The following NT5M variants were observed in gnomAD, a reference collection of about 807,000 sequenced individuals.
NT5M encodes the protein 5',3'-nucleotidase, mitochondrial, also known as 5'(3')-deoxyribonucleotidase, mitochondrial.
NT5M carries 22 observed loss-of-function variants against 22.2 expected under a neutral mutation model. The observed-to-expected ratio is 0.99, with a 90% CI of 0.71 to 1.41. The LOEUF (loss-of-function observed/expected upper bound fraction) is 1.41. Among genes scored for constraint, NT5M ranks in the 40% most tolerant of loss-of-function variants. The pLI is 0.00. For synonymous variants in NT5M, 167 were observed against 133.0 expected, an observed-to-expected ratio of 1.26 and a Z score of -1.76; for missense variants, 322 against 314.8, an observed-to-expected ratio of 1.02 and a Z score of -0.17.
At chr17:17,329,468 C>T (rs2049332037) in intron 3 of NT5M, among the ~76,000 whole-genome samples, 1 of 152,260 alleles carries the variant, frequency 6.6e-6, no homozygotes, top group East Asian at 1.9e-4. Flanking sequence ...ACCTTTTCAC[C>T]CCCTAGAGAG....
In NT5M at chr17:17,326,314, G is replaced by A. The variant is rs113256426; in HGVS notation, c.429+3069G>A. 9.5e-3 allele frequency among the ~76,000 whole-genome samples: 1,444 copies of A among 152,288 alleles called. 31 individuals carry two copies. The highest frequency in any genetic ancestry group is 0.033 in the African/African-American group (1,363 of 41,556). ...TTGGCCAGCCAGTGAGGCCTGCTCC[G>A]GGTCTGCCTGTCAAGAGCCTGTGCC... On this transcript the variant is annotated intron_variant, in intron 3 of 4. Transcript: ENST00000389022.
At chr17:17,342,949 G>T (rs527946756) in intron 3 of NT5M, among the ~76,000 whole-genome samples, 1 of 152,200 alleles carries the variant, frequency 6.6e-6, no homozygotes, top group Non-Finnish European at 1.5e-5. Flanking sequence ...CACAAGTCAG[G>T]AAAGTTTGGC....
intron 3 of NT5M, among the ~76,000 whole-genome samples, chr17:17,342,439 A>G (rs2049664384): frequency 2.0e-5 from 3 of 152,204 alleles, no homozygotes; most frequent in Admixed American, 2.0e-4. Flanking sequence ...AAACACGGAA[A>G]CTGGGTGTGT....
intron 2 of NT5M, among the ~76,000 whole-genome samples, chr17:17,315,940 A>G (rs1179654928): frequency 6.7e-6 from 1 of 149,322 alleles, no homozygotes; most frequent in African/African-American, 2.5e-5. Context: ...ATTTTTTAGT[A>G]GAGATGGCGT....
At chr17:17,340,813 C>T (rs753303532) in intron 3 of NT5M, among the ~76,000 whole-genome samples, 3 of 152,080 alleles carry the variant, frequency 2.0e-5, no homozygotes, top group African/African-American at 4.8e-5. Context: ...TGTGAGCCAC[C>T]GCGCCCGGCC....
At chr17:17,323,917 A>G (rs1046516533) in intron 3 of NT5M, among the ~76,000 whole-genome samples, 27 of 152,154 alleles carry the variant, frequency 1.8e-4, no homozygotes, top group African/African-American at 6.0e-4. Context: ...TTGTTGTTGC[A>G]CAGGCTGGAG....
At chr17:17,330,957 A>T (rs1393985719) in intron 3 of NT5M, among the ~76,000 whole-genome samples, 2 of 149,746 alleles carry the variant, frequency 1.3e-5, no homozygotes, top group African/African-American at 5.1e-5. Flanking sequence ...TGCCCAGGCT[A>T]GTCTTGAACT....
At chr17:17,330,527 C>A (rs2049357415) in intron 3 of NT5M, among the ~76,000 whole-genome samples, 1 of 151,342 alleles carries the variant, frequency 6.6e-6, no homozygotes, top group Admixed American at 6.6e-5. Context: ...AGGCATCTGC[C>A]ACCATGCCCG....
chr17:17,342,807 C>T (rs1352496458), intron 3 of NT5M, among the ~76,000 whole-genome samples: 1 of 152,176 alleles, frequency 6.6e-6, no homozygotes, highest in African/African-American at 2.4e-5. Flanking sequence ...ACTGCAGAGC[C>T]CTTGCCCCCT....
At chr17:17,335,809 T>C (rs1319638132) in intron 3 of NT5M, among the ~76,000 whole-genome samples, 2 of 151,894 alleles carry the variant, frequency 1.3e-5, no homozygotes, top group Admixed American at 1.3e-4. Flanking sequence ...ATTTTTGTAT[T>C]TTTAGTAGAG....
At chr17:17,329,225 G>A (rs1203962317) in intron 3 of NT5M, among the ~76,000 whole-genome samples, 4 of 152,264 alleles carry the variant, frequency 2.6e-5, no homozygotes, top group East Asian at 3.9e-4. Flanking sequence ...TGATCTGCCC[G>A]CCTCGGCCTC....
intron 3 of NT5M, among the ~76,000 whole-genome samples, chr17:17,335,442 G>T (rs2099295001): frequency 1.3e-5 from 2 of 151,834 alleles, no homozygotes; most frequent in Admixed American, 1.3e-4. Context: ...AATACAAGTG[G>T]TTTTTTAATT....
chr17:17,343,484 C>A lies in NT5M; in HGVS notation c.430-1310C>A, dbSNP rs144495903. Among the ~76,000 whole-genome samples the A allele has an allele frequency of 5.5e-4, 84 of 152,302 alleles. No homozygotes were observed. The East Asian group carries it at 0.015, about 28-fold the overall frequency. On this transcript the variant is annotated intron_variant, in intron 3 of 4. Transcript: ENST00000389022. ...CTTTTCCCACGTCCCGTGTGCTGGC[C>A]GGTTGCAGAGGGTCATGTGGTGTCT...
intron 3 of NT5M, among the ~76,000 whole-genome samples, chr17:17,340,764 A>G (rs998913116): frequency 2.0e-5 from 3 of 152,004 alleles, no homozygotes; most frequent in African/African-American, 7.3e-5. Flanking sequence ...TGACCTTGTG[A>G]TCTGCCCGCC....
intron 4 of NT5M, among the ~76,000 whole-genome samples, 191 bp from the exon 5 acceptor site, chr17:17,346,614 G>C (rs988940339): frequency 4.6e-5 from 7 of 152,246 alleles, no homozygotes; most frequent in Non-Finnish European, 8.8e-5. Context: ...TGCGCGTGCT[G>C]ACGGCCTCCT....
At chr17:17,335,997 A>AT (rs2049501672) in intron 3 of NT5M, among the ~76,000 whole-genome samples, 1 of 101,946 alleles carries the variant, frequency 9.8e-6, no homozygotes. Flanking sequence ...GGTCTTATTC[A>AT]TTCTTTTTTT....
chr17:17,323,449 C>T (rs888079705), intron 3 of NT5M, among the ~76,000 whole-genome samples: 1 of 152,200 alleles, frequency 6.6e-6, no homozygotes, highest in East Asian at 1.9e-4. Flanking sequence ...GGAAGGGTGC[C>T]TGTCACTGTG....
intron 3 of NT5M, among the ~76,000 whole-genome samples, chr17:17,336,213 A>C (rs973101721): frequency 6.7e-5 from 10 of 150,348 alleles, no homozygotes. Context: ...CGTGTTAGCC[A>C]GGATGGTCTT....
intron 3 of NT5M, 70 bp from the exon 4 acceptor site, chr17:17,344,724 G>A (rs1299845520): frequency 1.8e-5 from 28 of 1,572,368 alleles, no homozygotes; most frequent in East Asian, 6.7e-5. Context: ...CCCTGCCCTC[G>A]GCTCTTGGTT....
Sources: allele counts gnomAD v4.1 joint callset (sites outside exome capture counted in the v4.1 genomes callset), GRCh38; gene constraint gnomAD v4.1.1; transcripts MANE v1.5; gene names NCBI Gene and HGNC (gene_info 2026-07-23, HGNC 2026-07-21).